The following ZBTB46 variants were observed in gnomAD, a reference collection of about 807,000 sequenced individuals.
The protein encoded by ZBTB46 is zinc finger and BTB domain containing 46, also known as zinc finger and BTB domain-containing protein 46.
A neutral mutation model predicts 44.1 loss-of-function variants in ZBTB46; 8 were observed. That is an observed-to-expected ratio of 0.18 (90% CI 0.11 to 0.33). ZBTB46 has a LOEUF of 0.33. Among genes scored for constraint, ZBTB46 ranks in the 10% least tolerant of loss-of-function variants. The pLI is 1.00. For synonymous variants in ZBTB46, 409 were observed against 382.3 expected (o/e 1.07, Z -0.81); for missense variants, 651 against 847.7 (o/e 0.77, Z 2.88).
At chr20:63,805,859 G>A (rs2092678047) in intron 1 of ZBTB46, among the ~76,000 whole-genome samples, 1 of 151,012 alleles carries the variant, frequency 6.6e-6, no homozygotes, top group Non-Finnish European at 1.5e-5. Flanking sequence ...TGCAACCTCC[G>A]CCTCCTGGGT....
At chr20:63,820,525 T>A (rs1448642215) in intron 1 of ZBTB46, among the ~76,000 whole-genome samples, 1 of 151,462 alleles carries the variant, frequency 6.6e-6, no homozygotes, top group Non-Finnish European at 1.5e-5. Context: ...AACCTCCACC[T>A]CCCCAGTTCA....
At chr20:63,776,274 T>C (rs1287555571) in intron 2 of ZBTB46, among the ~76,000 whole-genome samples, 1 of 152,196 alleles carries the variant, frequency 6.6e-6, no homozygotes, top group Admixed American at 6.5e-5. Context: ...CCTGCTCTGC[T>C]CCAGGGCCGA....
intron 2 of ZBTB46, among the ~76,000 whole-genome samples, chr20:63,783,748 C>T (rs1214100524): frequency 3.3e-5 from 5 of 152,158 alleles, no homozygotes; most frequent in Admixed American, 2.0e-4. Flanking sequence ...CGGAGCCGGA[C>T]GCCCTTCCCA....
intron 3 of ZBTB46, among the ~76,000 whole-genome samples, chr20:63,755,285 T>C (rs1169790510): frequency 6.6e-6 from 1 of 152,234 alleles, no homozygotes; most frequent in Non-Finnish European, 1.5e-5. Context: ...GTCCACTCTC[T>C]TGCAGTTCTG....
chr20:63,776,621 T>C (rs2092427825), intron 2 of ZBTB46, among the ~76,000 whole-genome samples: 1 of 151,994 alleles, frequency 6.6e-6, no homozygotes, highest in Non-Finnish European at 1.5e-5. Flanking sequence ...CTGGCCAACA[T>C]GGTGAAACCC....
chr20:63,775,309 G>C (rs1335168472), intron 3 of ZBTB46: 3 of 205,914 alleles, frequency 1.5e-5, no homozygotes, highest in Non-Finnish European at 2.9e-5. Context: ...AGGCGACAGA[G>C]GGGCCGGCAG....
intron 3 of ZBTB46, among the ~76,000 whole-genome samples, chr20:63,759,034 G>T (rs1601405338): frequency 6.6e-6 from 1 of 152,176 alleles, no homozygotes; most frequent in South Asian, 2.1e-4. Flanking sequence ...GCCCAGCGGA[G>T]ATTCACATCT....
At chr20:63,754,201 C>T (rs548367766) in intron 3 of ZBTB46, among the ~76,000 whole-genome samples, 35 of 152,346 alleles carry the variant, frequency 2.3e-4, no homozygotes, top group East Asian at 5.8e-4. Flanking sequence ...GCACATCCCC[C>T]GAGTGGCTCC....
At chr20:63,822,153 C>T (rs1331388295) in intron 1 of ZBTB46, among the ~76,000 whole-genome samples, 2 of 152,178 alleles carry the variant, frequency 1.3e-5, no homozygotes, top group Non-Finnish European at 2.9e-5. Flanking sequence ...CAAGCGGAAC[C>T]GATACACTCC....
chr20:63,815,141 C>A (rs182670760), intron 1 of ZBTB46: 4 of 218,040 alleles, frequency 1.8e-5, no homozygotes, highest in South Asian at 1.5e-4. Flanking sequence ...CACAAAAGGC[C>A]GAGAGCCCAA....
At chr20:63,808,295 C>T (rs73323382) in intron 1 of ZBTB46, 15,357 of 152,490 alleles carry the variant, frequency 0.1, 1,269 homozygotes, top group African/African-American at 0.23. Context: ...GTCCCCTGTA[C>T]CCTGTAGGCC....
chr20:63,797,531 C>T (rs993409396), intron 1 of ZBTB46, among the ~76,000 whole-genome samples: 2 of 152,132 alleles, frequency 1.3e-5, no homozygotes, highest in Non-Finnish European at 2.9e-5. Context: ...AATGGGATGG[C>T]TGGGTCAAAT....
intron 3 of ZBTB46, among the ~76,000 whole-genome samples, chr20:63,768,795 G>C (rs2092342137): frequency 6.6e-6 from 1 of 152,138 alleles, no homozygotes; most frequent in Non-Finnish European, 1.5e-5. Flanking sequence ...CCAGGGCTCT[G>C]TGAGGCTCGG....
intron 3 of ZBTB46, among the ~76,000 whole-genome samples, chr20:63,756,064 G>A (rs11696871): frequency 0.15 from 22,735 of 152,248 alleles, 2,242 homozygotes; most frequent in East Asian, 0.49. Context: ...GCAGTCATTC[G>A]TGCCGGACTG....
chr20:63,771,435 C>T (rs1009746209), intron 3 of ZBTB46, among the ~76,000 whole-genome samples: 1 of 152,200 alleles, frequency 6.6e-6, no homozygotes, highest in African/African-American at 2.4e-5. Context: ...GCCTGGCGCT[C>T]CCGCACGGTG....
intron 3 of ZBTB46, among the ~76,000 whole-genome samples, chr20:63,765,059 TTGTA>T (rs2092308018): frequency 1.5e-5 from 2 of 137,712 alleles, no homozygotes; most frequent in Non-Finnish European, 3.1e-5. Context: ...GTGTGTATGT[TTGTA>T]TGTGCATGTG....
chr20:63,770,753 G>T (rs1200917067), intron 3 of ZBTB46, among the ~76,000 whole-genome samples: 1 of 152,208 alleles, frequency 6.6e-6, no homozygotes, highest in South Asian at 2.1e-4. Flanking sequence ...CAGGCGGTGG[G>T]ATCCCCACCC....
chr20:63,785,644 T>A lies in ZBTB46; in HGVS notation c.937+4177A>T, dbSNP rs541678519. Among the ~76,000 whole-genome samples the A allele has an allele frequency of 2.1e-3, 313 of 152,320 alleles. 1 individual carries two copies. The highest frequency in any genetic ancestry group is 7.2e-3 in the African/African-American group (301 of 41,576). On this transcript the variant is annotated intron_variant, in intron 2 of 4. Coordinates refer to ENST00000245663, the MANE Select transcript of ZBTB46 (RefSeq NM_001369741.1). ...CCTCTTCTCTAAGATAGAATAAATC[T>A]TTAATGGAAACAAACTGACCTCCAT...
At chr20:63,756,477 T>A (rs4809224) in intron 3 of ZBTB46, among the ~76,000 whole-genome samples, 69,738 of 152,184 alleles carry the variant, frequency 0.46, 17,186 homozygotes, top group African/African-American at 0.62. Flanking sequence ...CATCAACTGT[T>A]CTTTGTTTTT....
Sources: allele counts gnomAD v4.1 joint callset (sites outside exome capture counted in the v4.1 genomes callset), GRCh38; gene constraint gnomAD v4.1.1; transcripts MANE v1.5; gene names NCBI Gene and HGNC (gene_info 2026-07-23, HGNC 2026-07-21).